HYKK: variants seen among roughly 807,000 people sequenced by gnomAD.
The protein encoded by HYKK is 5-hydroxy-L-lysine kinase.
HYKK carries 19 observed loss-of-function variants against 29.7 expected under a neutral mutation model. That is an observed-to-expected ratio of 0.64 (90% CI 0.45 to 0.94). The LOEUF is 0.94. Ranked by LOEUF, HYKK falls within the 40% of genes least tolerant of loss-of-function variation. The pLI, the probability that HYKK is intolerant of heterozygous loss-of-function variation, is 0.00. For missense variants in HYKK, 390 were observed against 443.4 expected (o/e 0.88, Z 1.08); for synonymous variants, 152 against 158.1 (o/e 0.96, Z 0.29).
intron 1 of HYKK, among the ~76,000 whole-genome samples, chr15:78,511,568 A>C (rs1004836664): frequency 6.6e-6 from 1 of 152,040 alleles, no homozygotes; most frequent in Non-Finnish European, 1.5e-5. Context: ...TCTCTGCAAA[A>C]AATACAAAAA....
chr15:78,514,239 T>C (rs2052104215), intron 2 of HYKK, among the ~76,000 whole-genome samples: 1 of 152,170 alleles, frequency 6.6e-6, no homozygotes, highest in Non-Finnish European at 1.5e-5. Flanking sequence ...GCTTTGTCAT[T>C]ACTGTATATG....
At chr15:78,530,994 C>G (rs1361734274) in intron 4 of HYKK, among the ~76,000 whole-genome samples, 1 of 152,014 alleles carries the variant, frequency 6.6e-6, no homozygotes, top group African/African-American at 2.4e-5. Context: ...CTCAGCCTCC[C>G]TAGTAGCTGA....
chr15:78,537,288 C>G (rs1430383381), downstream of HYKK: 6 of 642,888 alleles, frequency 9.3e-6, no homozygotes, highest in African/African-American at 3.6e-5. Context: ...ATTTATTTTA[C>G]TTTACTTTCA....
At chr15:78,509,516 G>A (rs564777047) in intron 1 of HYKK, among the ~76,000 whole-genome samples, 1 of 152,234 alleles carries the variant, frequency 6.6e-6, no homozygotes, top group Non-Finnish European at 1.5e-5. Context: ...GCCTTCACCA[G>A]TTGCCTCTAA....
intron 3 of HYKK, among the ~76,000 whole-genome samples, chr15:78,526,811 T>C (rs952215): frequency 0.31 from 47,618 of 151,992 alleles, 8,501 homozygotes; most frequent in Non-Finnish European, 0.42. Flanking sequence ...TGCACAGATA[T>C]GAAGGCTTAC....
intron 4 of HYKK, among the ~76,000 whole-genome samples, chr15:78,531,200 A>T (rs760703864): frequency 7.2e-5 from 11 of 152,122 alleles, no homozygotes; most frequent in Non-Finnish European, 1.6e-4. Flanking sequence ...ATAGCCACAT[A>T]TGTCTAGTGG....
chr15:78,526,287 C>T (rs2052253801), intron 3 of HYKK, among the ~76,000 whole-genome samples: 1 of 152,128 alleles, frequency 6.6e-6, no homozygotes, highest in South Asian at 2.1e-4. Context: ...AAAAACAGCC[C>T]TATCCCTCAT....
intron 4 of HYKK, chr15:78,527,780 C>T: frequency 7.8e-7 from 1 of 1,275,802 alleles, no homozygotes; most frequent in Non-Finnish European, 9.9e-7. Flanking sequence ...CTCTTCTTCC[C>T]ATTAAATTTG....
In HYKK at chr15:78,528,472, T is replaced by G. The variant is rs2052279861; in HGVS notation, c.661+909T>G. On this transcript the variant is annotated intron_variant, in intron 4 of 4. Coordinates refer to ENST00000388988, the MANE Select transcript of HYKK (RefSeq NM_001013619.4). ...TTTCTCTAGGCTATATTTCTAGATA[T>G]AACCAGCCTTTTCATCCAGCATTAA... 4 of 985,330 alleles carry G rather than the reference T, an allele frequency of 4.1e-6. No homozygotes were observed. In the South Asian group the frequency reaches 1.9e-4, roughly 46 times the overall value. 61.0% of individuals were successfully genotyped at this position (985,330 alleles called of 1,614,324 possible).
At chr15:78,524,476 G>A (rs2052229020) in intron 3 of HYKK, among the ~76,000 whole-genome samples, 2 of 152,168 alleles carry the variant, frequency 1.3e-5, no homozygotes, top group Admixed American at 6.5e-5. Context: ...AACCCTCCAG[G>A]CCTGTGATGG....
At chr15:78,512,437 T>C (rs531712973) in intron 1 of HYKK, among the ~76,000 whole-genome samples, 4 of 144,826 alleles carry the variant, frequency 2.8e-5, no homozygotes, top group African/African-American at 1.0e-4. Flanking sequence ...AGTCTCGCCC[T>C]GTTGCCCAGG....
At chr15:78,513,768 GTTGGTGGT>G (rs2052099394) in intron 2 of HYKK, among the ~76,000 whole-genome samples, 1 of 152,110 alleles carries the variant, frequency 6.6e-6, no homozygotes, top group Non-Finnish European at 1.5e-5. Context: ...TGTTTGTTTT[GTTGGTGGT>G]TTTGGGATTT....
chr15:78,508,854 G>A lies in HYKK; in HGVS notation c.-6+1183G>A, dbSNP rs1487512868. Among the ~76,000 whole-genome samples, 4 of 142,544 alleles carry A rather than the reference G, an allele frequency of 2.8e-5. No homozygotes were observed. The Admixed American group carries it at 2.9e-4, about 10-fold the overall frequency. 93.5% of individuals were successfully genotyped at this position (142,544 alleles called of 152,430 possible). A position where few individuals can be genotyped will look rare whatever the true frequency, so the allele number is the denominator to read the frequency against. On this transcript the variant is annotated intron_variant, in intron 1 of 4. Transcript: ENST00000388988. ...AGCCCAGAAGTTCGAGACCAGCCTG[G>A]GCAACATAGTGGGACCCTCTCTCTC...
intron 4 of HYKK, among the ~76,000 whole-genome samples, chr15:78,530,163 T>C (rs1056973907): frequency 2.0e-5 from 3 of 150,750 alleles, no homozygotes; most frequent in African/African-American, 7.3e-5. Context: ...TATTGAGATA[T>C]AGTTCACAAA....
At chr15:78,514,908 C>CTCTCTCTATATA (rs766004199) in intron 2 of HYKK, 60 bp from the exon 3 acceptor site, 4,085 of 384,654 alleles carry the variant, frequency 0.011, 36 homozygotes, top group African/African-American at 0.019. Flanking sequence ...CTCTCTCTCT[C>CTCTCTCTATATA]TATATATATA....
intron 2 of HYKK, among the ~76,000 whole-genome samples, chr15:78,513,726 A>G (rs920678502): frequency 7.2e-5 from 11 of 152,158 alleles, no homozygotes; most frequent in African/African-American, 2.7e-4. Flanking sequence ...TGTGGAAATC[A>G]GGGGAATATT....
downstream of HYKK, chr15:78,537,254 C>G (rs1308723863): frequency 6.5e-6 from 4 of 617,068 alleles, no homozygotes; most frequent in South Asian, 8.2e-5. Flanking sequence ...TCTGGAAGAC[C>G]CTAATATAAT....
chr15:78,517,589 G>GA (rs1004637711), intron 3 of HYKK, among the ~76,000 whole-genome samples: 7 of 151,438 alleles, frequency 4.6e-5, no homozygotes, highest in Non-Finnish European at 8.8e-5. Flanking sequence ...AAAAAAAAAA[G>GA]AAAAAAAATT....
At chr15:78,509,014 C>CTCCAGA (rs2052044353) in intron 1 of HYKK, among the ~76,000 whole-genome samples, 1 of 151,122 alleles carries the variant, frequency 6.6e-6, no homozygotes, top group South Asian at 2.1e-4. Context: ...TGCCACTGTA[C>CTCCAGA]TCCAGACTGG....
Sources: gnomAD v4.1 joint callset for allele counts (sites outside exome capture counted in the v4.1 genomes callset) on GRCh38, gnomAD v4.1.1 for gene constraint, MANE v1.5 for transcripts, NCBI Gene and HGNC (gene_info 2026-07-23, HGNC 2026-07-21) for gene names.